Variants in CFAP46 observed in about 807,000 individuals in gnomAD.
CFAP46 encodes cilia- and flagella-associated protein 46.
In CFAP46, 245 loss-of-function variants were observed where a neutral mutation model predicts 325.7. The ratio of observed to expected loss-of-function variants is 0.75; its 90% CI spans 0.68 to 0.84. The LOEUF is 0.84. CFAP46 is among the 40% of genes least tolerant of loss of function. CFAP46 has a pLI of 0.00. For synonymous variants in CFAP46, 1,523 were observed against 1,495.9 expected, an observed-to-expected ratio of 1.02 and a Z score of -0.42; for missense variants, 3,346 against 3,543.0, an observed-to-expected ratio of 0.94 and a Z score of 1.41.
At chr10:132,845,097 C>T (rs1027370338) in intron 44 of CFAP46, among the ~76,000 whole-genome samples, 5 of 152,198 alleles carry the variant, frequency 3.3e-5, no homozygotes, top group East Asian at 1.9e-4. Flanking sequence ...TTTTAATTCC[C>T]GCTTGCCATG....
At position 132,812,777 on chromosome 10, in the gene CFAP46, C is replaced by T. The variant is rs1343923273; in HGVS notation, c.7501+8G>A. The T allele has an allele frequency of 2.5e-6, 4 of 1,604,336 alleles. No homozygotes were observed. Among genetic ancestry groups the T allele is most frequent in the African/African-American group, 1.3e-5 (1 of 74,724 alleles). ...CGGGGGAGGGGGTGCTGAGAGGACA[C>T]CTCTCACCTTGCAAGTTCATGGCGA... On this transcript the variant is annotated splice_region_variant and intron_variant, in intron 55 of 57. Coordinates refer to ENST00000368586, the MANE Select transcript of CFAP46 (RefSeq NM_001200049.3).
chr10:132,830,561 A>G (rs952979040), intron 50 of CFAP46, among the ~76,000 whole-genome samples: 2 of 152,184 alleles, frequency 1.3e-5, no homozygotes, highest in African/African-American at 4.8e-5. Flanking sequence ...CTTTCGAGGA[A>G]CTTGTCCATT....
In CFAP46 at chr10:132,863,846, G is replaced by T. The variant is rs577587456; in HGVS notation, c.4890+2179C>A. Reference sequence around the variant, plus strand: ...CCCTGCCTGAGACCAGCACACACCTGTCCCTGCTATCAGAGACCTGCACAC... The same window carrying T: ...CCCTGCCTGAGACCAGCACACACCTTTCCCTGCTATCAGAGACCTGCACAC... On this transcript the variant is annotated intron_variant, in intron 35 of 57. Transcript: ENST00000368586. Among the ~76,000 whole-genome samples, 37 of 123,246 alleles carry T rather than the reference G, an allele frequency of 3.0e-4. No homozygotes were observed. In the South Asian group the frequency reaches 9.0e-3, roughly 30 times the overall value. The allele number at this position is 123,246 out of a possible 152,430, so 80.9% of individuals were successfully genotyped here. A position where few individuals can be genotyped will look rare whatever the true frequency, so the allele number is the denominator to read the frequency against.
intron 2 of CFAP46, 98 bp downstream of exon 2, chr10:132,941,882 T>C (rs1850108749): frequency 1.3e-6 from 2 of 1,515,192 alleles, no homozygotes; most frequent in Non-Finnish European, 1.8e-6. Flanking sequence ...GGCCAGGAGC[T>C]GCCTCTCCCC....
In CFAP46 at chr10:132,937,694, C is replaced by G. The variant is rs762622601; in HGVS notation, c.537-19G>C. The G allele has an allele frequency of 1.3e-5, 20 of 1,588,950 alleles. No homozygotes were observed. The Admixed American group carries it at 3.4e-4, about 27-fold the overall frequency. ...AAGTTCCCTGGATAATAGAAACACA[C>G]CACTGGTCAACCTGGTTGAAACTGT... On this transcript the variant is annotated intron_variant, in intron 5 of 57. Transcript: ENST00000368586.
Position 132,841,111 on chromosome 10 carries a change from C to T in CFAP46, c.6439-4197G>A, listed in dbSNP as rs564451367. Among the ~76,000 whole-genome samples, 7 of 152,346 alleles carry T rather than the reference C, an allele frequency of 4.6e-5. No homozygotes were observed. In the South Asian group the frequency reaches 6.2e-4, roughly 14 times the overall value. On this transcript the variant is annotated intron_variant, in intron 44 of 57. Transcript: ENST00000368586. ...TTCTGCCCCCAAAACTCATGTCCTTCTCATATACAAATAGATTCCTACAAA... is the reference window on the plus strand; with the variant it reads ...TTCTGCCCCCAAAACTCATGTCCTTTTCATATACAAATAGATTCCTACAAA...
Position 132,914,059 on chromosome 10 carries a change from C to T in CFAP46, c.2121-801G>A, listed in dbSNP as rs530036428. Among the ~76,000 whole-genome samples, 19 of 148,182 alleles carry T rather than the reference C, an allele frequency of 1.3e-4. No homozygotes were observed. The East Asian group carries it at 2.4e-3, about 19-fold the overall frequency. ...GGCTGTGTCCAGCCACACTGCACCC[C>T]GGCCCGAGGCTGTGTCCAGCCACAC... On this transcript the variant is annotated intron_variant, in intron 17 of 57. Transcript: ENST00000368586.
At chr10:132,849,903 G>T (rs1010675523) in intron 41 of CFAP46, among the ~76,000 whole-genome samples, 41 of 152,198 alleles carry the variant, frequency 2.7e-4, no homozygotes, top group African/African-American at 9.2e-4. Flanking sequence ...AGCCGCTGCT[G>T]CGGGACACAC....
At chr10:132,816,192 C>T (rs1037945508) in intron 50 of CFAP46, among the ~76,000 whole-genome samples, 6 of 151,588 alleles carry the variant, frequency 4.0e-5, no homozygotes, top group Admixed American at 6.6e-5. Flanking sequence ...GCTGCTGGTG[C>T]GTCGTTAGCG....
chr10:132,912,588 T>TTGCAC (rs59156892), intron 19 of CFAP46, 67 bp downstream of exon 19: 1 of 1,297,434 alleles, frequency 7.7e-7, no homozygotes, highest in African/African-American at 2.1e-5. Context: ...TCCTCTCCTC[T>TTGCAC]CTCTCTCTCC....
chr10:132,850,145 C>T, intron 41 of CFAP46, 99 bp downstream of exon 41: 1 of 1,223,220 alleles, frequency 8.2e-7, no homozygotes, highest in Admixed American at 2.3e-5. Flanking sequence ...CCTGGGGCCA[C>T]TGCTGCAATC....
intron 44 of CFAP46, 102 bp from the exon 45 acceptor site, chr10:132,837,016 G>T: frequency 1.1e-6 from 1 of 927,376 alleles, no homozygotes; most frequent in South Asian, 1.4e-5. Flanking sequence ...GAGCCACGGC[G>T]GGGGCTTTGT....
Position 132,835,308 on chromosome 10 carries a change from C to A in CFAP46, c.6740G>T (p.Gly2247Val), listed in dbSNP as rs1258550556. 1 of 1,612,856 alleles carries A rather than the reference C, an allele frequency of 6.2e-7. No individual in the cohort carries two copies. The highest frequency in any genetic ancestry group is 1.1e-5 in the South Asian group (1 of 91,050). The change falls in exon 47 of 58, where the codon GGC becomes GTC. Residue 2247 changes from glycine (G) to valine (V), a missense_variant. Gly to Val is a moderately radical substitution (Grantham distance 109). Transcript: ENST00000368586. ...VYSEDMALNI[G>V]SEPEGLQVEE... is the part of the protein sequence containing the mutation. The stretch of plus-strand genomic sequence containing the variant: ...TTGGAGCCTGGAGGGCCTCACCGAG[C>A]CTATGTTCAGGGCCATGTCCTCACT...
intron 50 of CFAP46, among the ~76,000 whole-genome samples, chr10:132,829,471 C>T (rs1848113748): frequency 6.6e-6 from 1 of 152,174 alleles, no homozygotes; most frequent in Non-Finnish European, 1.5e-5. Flanking sequence ...ACTACATTTT[C>T]TACACAGATG....
chr10:132,925,644 T>TG (rs1270454007), intron 10 of CFAP46, among the ~76,000 whole-genome samples: 2 of 152,220 alleles, frequency 1.3e-5, no homozygotes, highest in Non-Finnish European at 2.9e-5. Context: ...CTACCACGTG[T>TG]GGCACCAGCG....
At chr10:132,867,636 T>G (rs1848836074) in intron 33 of CFAP46, 129 bp from the exon 34 acceptor site, 7 of 1,258,644 alleles carry the variant, frequency 5.6e-6, no homozygotes, top group Non-Finnish European at 7.5e-6. Flanking sequence ...TACAAAGATT[T>G]TTAAAAATCC....
chr10:132,904,157 AACTTTTTAAAGTATCTCTT>A (rs1322455710), intron 22 of CFAP46, among the ~76,000 whole-genome samples: 5 of 152,282 alleles, frequency 3.3e-5, no homozygotes, highest in African/African-American at 4.8e-5. Flanking sequence ...AATATGTGTA[AACTTTTTAAAGTATCTCTT>A]ACAAAGGCTG....
intron 50 of CFAP46, among the ~76,000 whole-genome samples, chr10:132,826,496 G>A (rs1209932618): frequency 5.1e-5 from 7 of 136,338 alleles, no homozygotes; most frequent in Non-Finnish European, 7.8e-5. Context: ...GCAGGAGCCG[G>A]AGCCACGGAG....
chr10:132,920,100 G>T lies in CFAP46; in HGVS notation c.1689C>A (p.Ala563=). Reference sequence around the variant, plus strand: ...CGTTGCCCAGGCGCCGCAGGTGCCCGGCAGCTTTGTCCACGCTGACGGTGT... The same window carrying T: ...CGTTGCCCAGGCGCCGCAGGTGCCCTGCAGCTTTGTCCACGCTGACGGTGT... The part of the protein sequence containing the change: ...WHHTVSVDKA[A]GHLRRLGNEN... The change falls in exon 14 of 58, where the codon GCC becomes GCA. Residue 563 remains alanine, a synonymous_variant. Transcript: ENST00000368586. 6.5e-7 allele frequency: 1 copy of T among 1,548,702 alleles called. No homozygotes were observed. The highest frequency in any genetic ancestry group is 8.7e-7 in the Non-Finnish European group (1 of 1,146,326).
Sources: allele counts gnomAD v4.1 joint callset (sites outside exome capture counted in the v4.1 genomes callset), GRCh38; gene constraint gnomAD v4.1.1; transcripts MANE v1.5; gene names NCBI Gene and HGNC (gene_info 2026-07-23, HGNC 2026-07-21).